Variants in FOXO3 observed in about 807,000 individuals in gnomAD.
FOXO3 encodes forkhead box protein O3.
A neutral mutation model predicts 41.9 loss-of-function variants in FOXO3; 4 were observed. The observed-to-expected ratio is 0.10, with a 90% CI of 0.05 to 0.22. The LOEUF (loss-of-function observed/expected upper bound fraction) is 0.22. Ranked by LOEUF, FOXO3 falls within the 10% of genes least tolerant of loss-of-function variation. FOXO3 has a pLI of 1.00. For synonymous variants in FOXO3, 318 were observed against 389.3 expected, an observed-to-expected ratio of 0.82 and a Z score of 2.16; for missense variants, 534 against 906.8, an observed-to-expected ratio of 0.59 and a Z score of 5.28.
At chr6:108,660,691 T>C (rs984912024) in intron 1 of FOXO3, among the ~76,000 whole-genome samples, 1 of 152,008 alleles carries the variant, frequency 6.6e-6, no homozygotes, top group African/African-American at 2.4e-5. Flanking sequence ...GCCAACATAG[T>C]GAAACCCTGT....
chr6:108,674,504 TCAA>T (rs892949086), intron 2 of FOXO3, among the ~76,000 whole-genome samples: 13 of 152,206 alleles, frequency 8.5e-5, no homozygotes, highest in African/African-American at 3.1e-4. Context: ...TTCAAGGAGT[TCAA>T]CATGTTAGGA....
intron 1 of FOXO3, among the ~76,000 whole-genome samples, chr6:108,614,479 C>T (rs1777440364): frequency 6.6e-6 from 1 of 152,102 alleles, no homozygotes; most frequent in Admixed American, 6.5e-5. Context: ...CTCTCTTCAT[C>T]CTTGGCAGTA....
At chr6:108,661,101 G>A (rs1447097664) in intron 1 of FOXO3, among the ~76,000 whole-genome samples, 1 of 151,912 alleles carries the variant, frequency 6.6e-6, no homozygotes, top group Non-Finnish European at 1.5e-5. Flanking sequence ...AATTAGCCAG[G>A]TGTGGTGGCA....
At chr6:108,573,673 C>T (rs551520773) in intron 1 of FOXO3, among the ~76,000 whole-genome samples, 1 of 151,220 alleles carries the variant, frequency 6.6e-6, no homozygotes, top group Non-Finnish European at 1.5e-5. Context: ...ACTAAAAATA[C>T]AAAAAATTAG....
At chr6:108,670,621 T>TTGTG (rs756951352) in intron 2 of FOXO3, among the ~76,000 whole-genome samples, 1 of 152,148 alleles carries the variant, frequency 6.6e-6, no homozygotes, top group Non-Finnish European at 1.5e-5. Context: ...GTAGGATATG[T>TTGTG]TATGCAGTGT....
chr6:108,578,877 A>G (rs1776333601), intron 1 of FOXO3, among the ~76,000 whole-genome samples: 1 of 152,116 alleles, frequency 6.6e-6, no homozygotes, highest in Non-Finnish European at 1.5e-5. Context: ...TCGGCTCAGG[A>G]TCCTAAAAGG....
chr6:108,563,262 A>T (rs575949510), intron 1 of FOXO3, among the ~76,000 whole-genome samples: 3 of 152,372 alleles, frequency 2.0e-5, no homozygotes, highest in Non-Finnish European at 4.4e-5. Context: ...TTTGTATTAG[A>T]TACTTTAAAA....
intron 1 of FOXO3, among the ~76,000 whole-genome samples, chr6:108,567,417 G>T (rs1186285634): frequency 6.6e-6 from 1 of 152,178 alleles, no homozygotes; most frequent in African/African-American, 2.4e-5. Flanking sequence ...GTCTCCCAGG[G>T]CCTGATGTAG....
chr6:108,575,921 A>G (rs914646262), intron 1 of FOXO3, among the ~76,000 whole-genome samples: 2 of 152,190 alleles, frequency 1.3e-5, no homozygotes, highest in Admixed American at 1.3e-4. Flanking sequence ...GATCACTTAG[A>G]TGAGGTGCAT....
intron 1 of FOXO3, among the ~76,000 whole-genome samples, chr6:108,626,404 T>C (rs1226959546): frequency 6.6e-6 from 1 of 152,180 alleles, no homozygotes; most frequent in East Asian, 1.9e-4. Flanking sequence ...TATCTGTCAC[T>C]ACCTTGAGGC....
intron 1 of FOXO3, among the ~76,000 whole-genome samples, chr6:108,663,010 T>C (rs1778915068): frequency 6.6e-6 from 1 of 152,134 alleles, no homozygotes; most frequent in Non-Finnish European, 1.5e-5. Flanking sequence ...TCAAAGAGGG[T>C]CATGCATATA....
chr6:108,643,734 G>A (rs1435652717), intron 1 of FOXO3, among the ~76,000 whole-genome samples: 1 of 152,120 alleles, frequency 6.6e-6, no homozygotes, highest in African/African-American at 2.4e-5. Flanking sequence ...TAGCAGTGTT[G>A]CCCACTAATT....
Position 108,597,871 on chromosome 6 carries a change from C to T in FOXO3, c.621+36042C>T, listed in dbSNP as rs150004896. Among the ~76,000 whole-genome samples, 263 of 152,246 alleles carry T rather than the reference C, an allele frequency of 1.7e-3. 2 individuals carry two copies. Among genetic ancestry groups the T allele is most frequent in the African/African-American group, 5.9e-3 (246 of 41,534 alleles). On this transcript the variant is annotated intron_variant, in intron 1 of 2. Transcript: ENST00000406360. ...GAGATGTATCACAGAGTTCATCACA[C>T]GCCACCTATTGTAGTACTAAAAGGT...
chr6:108,615,105 A>G (rs1409951386), intron 1 of FOXO3, among the ~76,000 whole-genome samples: 4 of 152,050 alleles, frequency 2.6e-5, no homozygotes, highest in Non-Finnish European at 4.4e-5. Context: ...CCCAGAATAT[A>G]TTGTTATTTT....
intron 1 of FOXO3, among the ~76,000 whole-genome samples, chr6:108,630,274 C>A (rs951425648): frequency 6.6e-6 from 1 of 151,724 alleles, no homozygotes; most frequent in Non-Finnish European, 1.5e-5. Flanking sequence ...GAAGAGCAGG[C>A]CGGAAGAGAG....
intron 1 of FOXO3, among the ~76,000 whole-genome samples, chr6:108,597,994 C>T (rs1279138431): frequency 6.6e-6 from 1 of 152,094 alleles, no homozygotes; most frequent in African/African-American, 2.4e-5. Context: ...CTTTTAAACC[C>T]ATAAATTCTA....
chr6:108,641,399 T>G (rs1049832990), intron 1 of FOXO3, among the ~76,000 whole-genome samples: 1 of 152,142 alleles, frequency 6.6e-6, no homozygotes, highest in African/African-American at 2.4e-5. Flanking sequence ...GACAAGTTGG[T>G]CAGCTTCTCC....
chr6:108,621,221 C>T (rs1373739424), intron 1 of FOXO3, among the ~76,000 whole-genome samples: 1 of 152,186 alleles, frequency 6.6e-6, no homozygotes, highest in Admixed American at 6.5e-5. Context: ...TATGTCCTCG[C>T]TCTGCCTGCA....
chr6:108,587,930 A>G (rs1161808806), intron 1 of FOXO3, among the ~76,000 whole-genome samples: 1 of 152,192 alleles, frequency 6.6e-6, no homozygotes, highest in African/African-American at 2.4e-5. Flanking sequence ...TGGGACATGC[A>G]CTAGAGAAGG....
Sources: allele counts gnomAD v4.1 joint callset (sites outside exome capture counted in the v4.1 genomes callset), GRCh38; gene constraint gnomAD v4.1.1; transcripts MANE v1.5; gene names NCBI Gene and HGNC (gene_info 2026-07-23, HGNC 2026-07-21).